The following HIP1 variants were observed in gnomAD, a reference collection of about 807,000 sequenced individuals.
HIP1 encodes the protein huntingtin-interacting protein 1.
In HIP1, 65 loss-of-function variants were observed where a neutral mutation model predicts 147.6. That is an observed-to-expected ratio of 0.44 (90% CI 0.36 to 0.54). HIP1 has a LOEUF of 0.54. Among genes scored for constraint, HIP1 ranks in the 20% least tolerant of loss-of-function variants. HIP1 has a pLI of 0.00. For synonymous variants in HIP1, 479 were observed against 504.0 expected (o/e 0.95, Z 0.67); for missense variants, 1,061 against 1,299.6 (o/e 0.82, Z 2.82).
intron 1 of HIP1, among the ~76,000 whole-genome samples, chr7:75,607,766 G>A (rs1554504107): frequency 1.3e-5 from 2 of 151,750 alleles, no homozygotes; most frequent in Non-Finnish European, 2.9e-5. Context: ...GCCCAGGCCC[G>A]TAACATCAGC....
intron 1 of HIP1, among the ~76,000 whole-genome samples, chr7:75,706,477 T>TTA (rs1800999358): frequency 6.9e-6 from 1 of 145,490 alleles, no homozygotes; most frequent in South Asian, 2.1e-4. Flanking sequence ...TATCTTCTTT[T>TTA]TTTTTATTTT....
intron 1 of HIP1, among the ~76,000 whole-genome samples, chr7:75,620,390 A>AC (rs1797806589): frequency 6.8e-6 from 1 of 148,140 alleles, no homozygotes; most frequent in Non-Finnish European, 1.5e-5. Flanking sequence ...TGTCTTTAAA[A>AC]AAAAAAAAAA....
chr7:75,554,684 T>C (rs1416108451), intron 19 of HIP1, among the ~76,000 whole-genome samples, 158 bp from the exon 20 acceptor site: 1 of 152,186 alleles, frequency 6.6e-6, no homozygotes, highest in Non-Finnish European at 1.5e-5. Flanking sequence ...ACCATAGTTT[T>C]TTCCTTAGAG....
Position 75,592,439 on chromosome 7 carries a change from C to G in HIP1, c.260G>C (p.Ser87Thr). 1 of 1,612,758 alleles carries G rather than the reference C, an allele frequency of 6.2e-7. No individual in the cohort carries two copies. The highest frequency in any genetic ancestry group is 8.5e-7 in the Non-Finnish European group (1 of 1,179,734). The change falls in exon 3 of 31, where the codon AGC (serine) becomes ACC (threonine). Residue 87 changes from serine to threonine, a missense_variant. By Grantham distance (58) the Ser-to-Thr change is moderately conservative. Transcript: ENST00000336926. ...WSVVNRLPLS[S>T]NAVLCWKFCH... ...GAACTTCCAGCAGAGCACTGCGTTG[C>G]TAGACAGAGGCAGGCGGTTGACAAC...
At chr7:75,542,728 A>G in intron 28 of HIP1, 123 bp downstream of exon 28, 1 of 976,106 alleles carries the variant, frequency 1.0e-6, no homozygotes, top group Non-Finnish European at 1.5e-6. Context: ...AAATAAAATA[A>G]AAAGATGAAA....
intron 5 of HIP1, among the ~76,000 whole-genome samples, chr7:75,584,650 C>T (rs1323522661): frequency 1.3e-5 from 2 of 152,072 alleles, no homozygotes; most frequent in Non-Finnish European, 2.9e-5. Context: ...TGCCACTGAA[C>T]TCTGCTGTCT....
intron 1 of HIP1, among the ~76,000 whole-genome samples, chr7:75,735,008 C>T (rs929447101): frequency 6.6e-6 from 1 of 152,202 alleles, no homozygotes; most frequent in African/African-American, 2.4e-5. Context: ...TCTGCTGTCT[C>T]GGGTTCGTCT....
intron 7 of HIP1, among the ~76,000 whole-genome samples, chr7:75,574,499 G>A (rs904097720): frequency 4.4e-4 from 66 of 149,738 alleles, no homozygotes; most frequent in Non-Finnish European, 8.8e-4. Context: ...TGAGGCAGGA[G>A]AATCACTTGA....
At chr7:75,619,724 C>T (rs1297844151) in intron 1 of HIP1, among the ~76,000 whole-genome samples, 1 of 152,050 alleles carries the variant, frequency 6.6e-6, no homozygotes, top group African/African-American at 2.4e-5. Flanking sequence ...CATTGGCATT[C>T]GATACCCTTA....
chr7:75,559,703 G>GGCCGCCCC, intron 14 of HIP1, 29 bp downstream of exon 14: 4 of 1,195,142 alleles, frequency 3.3e-6, no homozygotes, highest in East Asian at 2.6e-5. Flanking sequence ...TGCCCCCGGG[G>GGCCGCCCC]CCCGCCCCCG....
rs782692840 is a variant in HIP1, at chr7:75,559,931, G to A, written c.1192-16C>T. 30 of 1,578,734 alleles carry A rather than the reference G, an allele frequency of 1.9e-5. No homozygotes were observed. The highest frequency in any genetic ancestry group is 6.8e-5 in the East Asian group (3 of 44,222). ...CCCGCTGGCTCTGTGGGGGGACTCC[G>A]GTCATGAGGCCAACCGCCCACTGCC... On this transcript the variant is annotated splice_polypyrimidine_tract_variant and intron_variant, in intron 13 of 30. Transcript: ENST00000336926.
At chr7:75,621,346 C>T (rs1797841839) in intron 1 of HIP1, among the ~76,000 whole-genome samples, 1 of 152,140 alleles carries the variant, frequency 6.6e-6, no homozygotes, top group African/African-American at 2.4e-5. Flanking sequence ...GGGCCAAATC[C>T]CTAGAGGCCT....
chr7:75,694,915 G>GTT (rs1554518614), intron 1 of HIP1, among the ~76,000 whole-genome samples: 17 of 58,142 alleles, frequency 2.9e-4, no homozygotes, highest in African/African-American at 1.7e-3. Flanking sequence ...TCTGCATTCT[G>GTT]GTGAGTTCTT....
chr7:75,649,117 C>T (rs917472213), intron 1 of HIP1, among the ~76,000 whole-genome samples: 14 of 152,072 alleles, frequency 9.2e-5, no homozygotes, highest in African/African-American at 1.9e-4. Flanking sequence ...CTCCGCCTCC[C>T]GGGTTCAAGC....
intron 1 of HIP1, among the ~76,000 whole-genome samples, chr7:75,666,151 TATTAATTAATTA>T (rs555816881): frequency 6.6e-6 from 1 of 151,558 alleles, no homozygotes; most frequent in East Asian, 1.9e-4. Context: ...AATCATGCTT[TATTAATTAATTA>T]ATTAATTAAT....
intron 2 of HIP1, among the ~76,000 whole-genome samples, chr7:75,595,232 CTTTCTTTCTTTCTTTCTTT>C (rs1563230180): frequency 5.4e-5 from 6 of 110,956 alleles, no homozygotes; most frequent in African/African-American, 2.1e-4. Flanking sequence ...TTCTTTCTTT[CTTTCTTTCTTTCTTTCTTT>C]CTTCCTTCCT....
chr7:75,729,164 A>G (rs1174975246), intron 1 of HIP1, among the ~76,000 whole-genome samples: 1 of 73,268 alleles, frequency 1.4e-5, no homozygotes, highest in Non-Finnish European at 2.8e-5. Flanking sequence ...CTAGAACAGG[A>G]AAAAAAAAAA....
chr7:75,535,399 A>C lies in HIP1; in HGVS notation c.*2773T>G, dbSNP rs1302149281. The C allele has an allele frequency of 5.4e-6, 1 of 184,418 alleles. No individual in the cohort carries two copies. Among genetic ancestry groups the C allele is most frequent in the Non-Finnish European group, 1.1e-5 (1 of 87,208 alleles). 11.4% of individuals were successfully genotyped at this position (184,418 alleles called of 1,614,324 possible). Reference sequence around the variant, plus strand: ...GAGACAGGGTCTCACTCTGTCACCCAGGCCGGAGTGCACTGGCACAATCAG... The same window carrying C: ...GAGACAGGGTCTCACTCTGTCACCCCGGCCGGAGTGCACTGGCACAATCAG... On this transcript the variant is annotated 3_prime_UTR_variant, in exon 31 of 31. Transcript: ENST00000336926.
At chr7:75,616,475 G>C (rs970519801) in intron 1 of HIP1, among the ~76,000 whole-genome samples, 2 of 152,060 alleles carry the variant, frequency 1.3e-5, no homozygotes, top group African/African-American at 4.8e-5. Context: ...GTCTCACTTT[G>C]TTGCCCAGGC....
Sources: gnomAD v4.1 joint callset for allele counts (sites outside exome capture counted in the v4.1 genomes callset) on GRCh38, gnomAD v4.1.1 for gene constraint, MANE v1.5 for transcripts, NCBI Gene and HGNC (gene_info 2026-07-23, HGNC 2026-07-21) for gene names.